The following FAF1 variants were observed in gnomAD, a reference collection of about 807,000 sequenced individuals.
The protein encoded by FAF1 is Fas associated factor 1.
FAF1 carries 25 observed loss-of-function variants against 92.5 expected under a neutral mutation model. That is an observed-to-expected ratio of 0.27 (90% CI 0.20 to 0.38). The LOEUF (loss-of-function observed/expected upper bound fraction) is 0.38, where lower values mean the gene tolerates loss of function less well. FAF1 is among the 10% of genes least tolerant of loss of function. The pLI is 1.00. For synonymous variants in FAF1, 234 were observed against 273.2 expected (o/e 0.86, Z 1.42); for missense variants, 636 against 793.3 (o/e 0.80, Z 2.38).
intron 16 of FAF1, among the ~76,000 whole-genome samples, chr1:50,491,443 G>T (rs1200161061): frequency 2.0e-5 from 3 of 152,160 alleles, no homozygotes; most frequent in Non-Finnish European, 4.4e-5. Context: ...CACCTAAAGA[G>T]CTTTCCAAAA....
At chr1:50,873,015 G>A (rs938259352) in intron 1 of FAF1, among the ~76,000 whole-genome samples, 3 of 152,120 alleles carry the variant, frequency 2.0e-5, no homozygotes, top group Admixed American at 6.6e-5. Context: ...GAAATTGCTA[G>A]AGCCACCCCA....
chr1:50,607,346 C>G (rs997457405), intron 8 of FAF1, among the ~76,000 whole-genome samples: 1 of 152,126 alleles, frequency 6.6e-6, no homozygotes, highest in African/African-American at 2.4e-5. Context: ...GATCGACTTT[C>G]TTCTCTAAGT....
intron 7 of FAF1, among the ~76,000 whole-genome samples, chr1:50,705,189 CCAA>C (rs1657623058): frequency 1.3e-5 from 2 of 152,262 alleles, no homozygotes; most frequent in South Asian, 4.2e-4. Context: ...CCAAGGCATA[CCAA>C]CAAGGTACCT....
At chr1:50,803,676 G>A (rs185550711) in intron 2 of FAF1, among the ~76,000 whole-genome samples, 46 of 152,264 alleles carry the variant, frequency 3.0e-4, no homozygotes, top group African/African-American at 1.1e-3. Context: ...CTCACCTGAG[G>A]CTGAAGAATG....
At chr1:50,764,449 G>C (rs889399155) in intron 4 of FAF1, among the ~76,000 whole-genome samples, 1 of 152,112 alleles carries the variant, frequency 6.6e-6, no homozygotes, top group Non-Finnish European at 1.5e-5. Flanking sequence ...CTTTCTCTTA[G>C]TACTGAGCCC....
At chr1:50,757,815 T>C (rs1399785617) in intron 4 of FAF1, among the ~76,000 whole-genome samples, 2 of 152,192 alleles carry the variant, frequency 1.3e-5, no homozygotes, top group Non-Finnish European at 2.9e-5. Context: ...CTTCTTTTCT[T>C]CATTGGGGAT....
chr1:50,846,361 G>A, intron 2 of FAF1: 1 of 294,278 alleles, frequency 3.4e-6, no homozygotes, highest in South Asian at 3.0e-5. Flanking sequence ...TGCCGCCCAG[G>A]AGACGTCAGG....
intron 8 of FAF1, among the ~76,000 whole-genome samples, chr1:50,653,404 G>A (rs920188601): frequency 2.6e-5 from 4 of 152,118 alleles, no homozygotes; most frequent in African/African-American, 4.8e-5. Flanking sequence ...CCAGTGGAGT[G>A]CAATGGCACA....
chr1:50,649,980 G>C (rs1654783145), intron 8 of FAF1, among the ~76,000 whole-genome samples: 1 of 150,922 alleles, frequency 6.6e-6, no homozygotes, highest in South Asian at 2.1e-4. Flanking sequence ...GAGAGAGAGA[G>C]AAAGCACAAT....
At chr1:50,519,243 T>G (rs1170694459) in intron 15 of FAF1, among the ~76,000 whole-genome samples, 2 of 151,646 alleles carry the variant, frequency 1.3e-5, no homozygotes, top group African/African-American at 4.9e-5. Flanking sequence ...GGCAGGAGAA[T>G]CGCTTGAACC....
intron 15 of FAF1, among the ~76,000 whole-genome samples, chr1:50,533,573 TAAAC>T (rs769374355): frequency 3.9e-5 from 6 of 152,216 alleles, no homozygotes; most frequent in Non-Finnish European, 8.8e-5. Context: ...CAGCGATAAA[TAAAC>T]TAAAATACAA....
At chr1:50,715,044 T>A in intron 6 of FAF1, 1 of 422,054 alleles carries the variant, frequency 2.4e-6, no homozygotes, top group Non-Finnish European at 4.7e-6. Context: ...ATTTGCATTA[T>A]CAACAAGGAC....
chr1:50,592,597 A>G (rs1210130791), intron 9 of FAF1, among the ~76,000 whole-genome samples: 1 of 152,366 alleles, frequency 6.6e-6, no homozygotes, highest in Non-Finnish European at 1.5e-5. Context: ...CTTGAATTTA[A>G]CTGCTGGTCT....
chr1:50,759,907 GATGAGCATTTTTTC>G (rs1660253953), intron 4 of FAF1, among the ~76,000 whole-genome samples: 1 of 152,200 alleles, frequency 6.6e-6, no homozygotes, highest in South Asian at 2.1e-4. Flanking sequence ...AGCCAGTGAT[GATGAGCATTTTTTC>G]ATGTGTTTTT....
chr1:50,669,876 C>T (rs1655790763), intron 7 of FAF1, among the ~76,000 whole-genome samples: 1 of 152,182 alleles, frequency 6.6e-6, no homozygotes, highest in South Asian at 2.1e-4. Flanking sequence ...AATCCCAGCA[C>T]TTTGGGAGGC....
In FAF1 at chr1:50,638,609, A is replaced by G. The variant is rs111830822; in HGVS notation, c.744+16833T>C. On this transcript the variant is annotated intron_variant, in intron 8 of 18. Coordinates refer to ENST00000396153, the MANE Select transcript of FAF1 (RefSeq NM_007051.3). ...CAGACGCCCACCACCATGCCCAGCT[A>G]ATTTTTTTGTATTTTTAGTAGAGAC... 2.9e-3 allele frequency among the ~76,000 whole-genome samples: 437 copies of G among 151,892 alleles called. 4 individuals are homozygous for G. The highest frequency in any genetic ancestry group is 0.01 in the African/African-American group (415 of 41,444).
chr1:50,464,836 AC>A (rs1301470802), intron 18 of FAF1, among the ~76,000 whole-genome samples: 2 of 152,212 alleles, frequency 1.3e-5, no homozygotes, highest in Non-Finnish European at 2.9e-5. Context: ...TACTCAGAGT[AC>A]CTCAGCTAAC....
At chr1:50,734,119 G>A (rs902104377) in intron 6 of FAF1, among the ~76,000 whole-genome samples, 2 of 152,024 alleles carry the variant, frequency 1.3e-5, no homozygotes, top group Non-Finnish European at 2.9e-5. Flanking sequence ...TTCTATTTTG[G>A]TTTCACTTGT....
intron 8 of FAF1, among the ~76,000 whole-genome samples, chr1:50,610,089 G>A (rs1383861296): frequency 6.6e-6 from 1 of 152,192 alleles, no homozygotes; most frequent in Non-Finnish European, 1.5e-5. Flanking sequence ...AATGGATTGT[G>A]TTTGGAGAAC....
Sources: allele counts gnomAD v4.1 joint callset (sites outside exome capture counted in the v4.1 genomes callset), GRCh38; gene constraint gnomAD v4.1.1; transcripts MANE v1.5; gene names NCBI Gene and HGNC (gene_info 2026-07-23, HGNC 2026-07-21).